The following NCKAP5 variants were observed in gnomAD, a reference collection of about 807,000 sequenced individuals.
NCKAP5 encodes nck-associated protein 5.
Under a neutral mutation model 167.0 loss-of-function variants are expected in NCKAP5, and 92 were observed. The ratio of observed to expected loss-of-function variants is 0.55; its 90% CI spans 0.47 to 0.66. The LOEUF (loss-of-function observed/expected upper bound fraction) is 0.66, where lower values mean the gene tolerates loss of function less well. Ranked by LOEUF, NCKAP5 falls within the 30% of genes least tolerant of loss-of-function variation. The pLI is 0.00. For synonymous variants in NCKAP5, 891 were observed against 877.4 expected, an observed-to-expected ratio of 1.02 and a Z score of -0.27; for missense variants, 2,378 against 2,315.0, an observed-to-expected ratio of 1.03 and a Z score of -0.56.
chr2:133,289,762 T>C (rs1265654746), intron 4 of NCKAP5, among the ~76,000 whole-genome samples: 1 of 151,710 alleles, frequency 6.6e-6, no homozygotes, highest in African/African-American at 2.4e-5. Flanking sequence ...GACTGGGTGA[T>C]TTATACAGAA....
At chr2:133,562,686 T>C (rs1688248576) in intron 1 of NCKAP5, among the ~76,000 whole-genome samples, 1 of 152,212 alleles carries the variant, frequency 6.6e-6, no homozygotes, top group Admixed American at 6.5e-5. Flanking sequence ...GCTTCTACAA[T>C]GCATCCAAAT....
chr2:133,645,558 C>CA, the NCKAP5 span, among the ~76,000 whole-genome samples: 1 of 152,090 alleles, frequency 6.6e-6, no homozygotes, highest in East Asian at 1.9e-4. Context: ...TTATCTAAAA[C>CA]AAAAAATCAT....
chr2:133,325,460 T>A (rs1253070240), intron 3 of NCKAP5, among the ~76,000 whole-genome samples: 1 of 152,192 alleles, frequency 6.6e-6, no homozygotes, highest in Non-Finnish European at 1.5e-5. Flanking sequence ...TCCTGAGGGA[T>A]TTCCATGTAC....
intron 8 of NCKAP5, among the ~76,000 whole-genome samples, chr2:132,957,866 C>A (rs1236391955): frequency 6.6e-6 from 1 of 152,140 alleles, no homozygotes; most frequent in Non-Finnish European, 1.5e-5. Flanking sequence ...GACAGGCAGG[C>A]CTCACAGGGT....
At position 133,542,389 on chromosome 2, in the gene NCKAP5, T is replaced by C. The variant is rs78590121; in HGVS notation, c.-62+16661A>G. Among the ~76,000 whole-genome samples, 676 of 152,314 alleles carry C rather than the reference T, an allele frequency of 4.4e-3. 6 individuals carry two copies. Among genetic ancestry groups the C allele is most frequent in the African/African-American group, 0.013 (561 of 41,578 alleles). On this transcript the variant is annotated intron_variant, in intron 2 of 19. Coordinates refer to ENST00000409261, the MANE Select transcript of NCKAP5 (RefSeq NM_207363.3). ...TGTTTTAGCTACTCCTTATTGGACA[T>C]GTAGGTGGTTTCCAAATTATAGTAG... is the stretch of plus-strand genomic sequence containing the variant.
intron 2 of NCKAP5, among the ~76,000 whole-genome samples, chr2:133,544,464 A>G (rs1423889206): frequency 6.6e-6 from 1 of 152,160 alleles, no homozygotes; most frequent in Non-Finnish European, 1.5e-5. Context: ...TTTCTTGACA[A>G]TTTGATTTTT....
chr2:133,608,255 T>C, the NCKAP5 span, among the ~76,000 whole-genome samples: 54 of 152,222 alleles, frequency 3.5e-4, 1 homozygote, highest in African/African-American at 1.2e-3. Context: ...CAAATTGCTC[T>C]TCTCTCTAGA....
At chr2:133,289,416 ATAT>A (rs10593065) in intron 4 of NCKAP5, among the ~76,000 whole-genome samples, 152,036 of 152,040 alleles carry the variant, frequency 1, 76,016 homozygotes, top group Middle Eastern at 1. Flanking sequence ...CTAAGCTCCT[ATAT>A]TATTAGTCTG....
At chr2:133,454,387 G>C (rs1559496314) in intron 3 of NCKAP5, among the ~76,000 whole-genome samples, 1 of 152,028 alleles carries the variant, frequency 6.6e-6, no homozygotes, top group Non-Finnish European at 1.5e-5. Flanking sequence ...TCAGAAAATG[G>C]AGAAACACAT....
chr2:132,993,615 T>C (rs1243471683), intron 7 of NCKAP5, among the ~76,000 whole-genome samples: 1 of 152,196 alleles, frequency 6.6e-6, no homozygotes, highest in East Asian at 1.9e-4. Flanking sequence ...TAACTTTTTA[T>C]TTCCAGGACA....
chr2:133,496,611 T>TATC (rs61704970), intron 3 of NCKAP5, among the ~76,000 whole-genome samples: 1 of 152,322 alleles, frequency 6.6e-6, no homozygotes, highest in African/African-American at 2.4e-5. Flanking sequence ...CCAGCATGGG[T>TATC]ATCAGCAACT....
At chr2:133,381,208 C>T (rs1686495017) in intron 3 of NCKAP5, among the ~76,000 whole-genome samples, 1 of 145,960 alleles carries the variant, frequency 6.9e-6, no homozygotes, top group Non-Finnish European at 1.6e-5. Flanking sequence ...TGCCAGTCCC[C>T]ATTCCATACC....
At chr2:133,327,586 T>C (rs1357124600) in intron 3 of NCKAP5, among the ~76,000 whole-genome samples, 3 of 152,108 alleles carry the variant, frequency 2.0e-5, no homozygotes, top group Admixed American at 2.0e-4. Flanking sequence ...ACAGTGTTAG[T>C]AATGGAAGAA....
intron 8 of NCKAP5, among the ~76,000 whole-genome samples, chr2:132,907,222 T>G (rs1000322729): frequency 3.3e-5 from 5 of 152,170 alleles, no homozygotes; most frequent in African/African-American, 1.2e-4. Context: ...CATCCTCAAC[T>G]CATAACAATG....
chr2:133,201,547 T>C (rs1559259788), intron 5 of NCKAP5, among the ~76,000 whole-genome samples: 1 of 152,188 alleles, frequency 6.6e-6, no homozygotes, highest in South Asian at 2.1e-4. Context: ...TGATTGTTTA[T>C]GCAGTGGTGG....
intron 8 of NCKAP5, among the ~76,000 whole-genome samples, chr2:132,931,807 C>T (rs1696399921): frequency 6.6e-6 from 1 of 152,050 alleles, no homozygotes. Context: ...ATTGTGAGGA[C>T]CCTGTTAATC....
chr2:133,614,613 G>T, the NCKAP5 span, among the ~76,000 whole-genome samples: 1 of 152,278 alleles, frequency 6.6e-6, no homozygotes, highest in East Asian at 1.9e-4. Flanking sequence ...AGAATAAAAA[G>T]AAACGAACAA....
chr2:133,638,537 T>C, the NCKAP5 span, among the ~76,000 whole-genome samples: 1 of 152,188 alleles, frequency 6.6e-6, no homozygotes, highest in Admixed American at 6.5e-5. Context: ...CGTCCAAATG[T>C]TAAACTTCTC....
intron 3 of NCKAP5, among the ~76,000 whole-genome samples, chr2:133,415,214 C>T (rs1416109689): frequency 7.2e-5 from 11 of 152,196 alleles, no homozygotes; most frequent in African/African-American, 2.4e-5. Flanking sequence ...GAAATTATAT[C>T]CTGGAAATTC....
Sources: gnomAD v4.1 joint callset for allele counts (sites outside exome capture counted in the v4.1 genomes callset) on GRCh38, gnomAD v4.1.1 for gene constraint, MANE v1.5 for transcripts, NCBI Gene and HGNC (gene_info 2026-07-23, HGNC 2026-07-21) for gene names.